Variants in CBLN2 observed in about 807,000 individuals in gnomAD.
CBLN2 encodes the protein cerebellin 2 precursor, also known as cerebellin-2.
CBLN2 carries 7 observed loss-of-function variants against 15.0 expected under a neutral mutation model. The observed-to-expected ratio is 0.47, with a 90% CI of 0.27 to 0.88. CBLN2 has a LOEUF of 0.88. Among genes scored for constraint, CBLN2 ranks in the 40% least tolerant of loss-of-function variants. The pLI is 0.14. For synonymous variants in CBLN2, 149 were observed against 135.2 expected (o/e 1.10, Z -0.71); for missense variants, 242 against 304.5 (o/e 0.79, Z 1.53).
At chr18:72,593,135 T>C (rs2069491180) in intron 1 of CBLN2, among the ~76,000 whole-genome samples, 1 of 152,178 alleles carries the variant, frequency 6.6e-6, no homozygotes, top group Admixed American at 6.5e-5. Flanking sequence ...GCAATATCTT[T>C]TTCTTTTTTG....
At chr18:72,618,375 T>G in intron 1 of CBLN2, 4 of 521,574 alleles carry the variant, frequency 7.7e-6, no homozygotes, top group Non-Finnish European at 7.1e-6. Flanking sequence ...CTGTGAGCAA[T>G]GTGGAATACT....
intron 1 of CBLN2, among the ~76,000 whole-genome samples, chr18:72,563,175 A>G (rs1207448256): frequency 1.3e-5 from 2 of 152,268 alleles, no homozygotes; most frequent in Non-Finnish European, 2.9e-5. Flanking sequence ...ACAATGGGGT[A>G]AAGCCAGATT....
intron 1 of CBLN2, among the ~76,000 whole-genome samples, chr18:72,596,537 C>A (rs1057214067): frequency 6.6e-6 from 1 of 152,108 alleles, no homozygotes; most frequent in Non-Finnish European, 1.5e-5. Context: ...CAGATGATTT[C>A]TTGCCCAGGA....
intron 1 of CBLN2, among the ~76,000 whole-genome samples, chr18:72,564,452 A>T (rs930907445): frequency 9.2e-5 from 14 of 152,182 alleles, no homozygotes; most frequent in African/African-American, 3.1e-4. Flanking sequence ...AGCAGAAGAA[A>T]GAATTTCTGA....
At chr18:72,608,344 C>T (rs777424553) in intron 1 of CBLN2, among the ~76,000 whole-genome samples, 53 of 152,098 alleles carry the variant, frequency 3.5e-4, no homozygotes, top group African/African-American at 8.0e-4. Context: ...TTTCCCTCCC[C>T]GCTCTGTTCT....
upstream of CBLN2, among the ~76,000 whole-genome samples, chr18:72,546,527 T>C (rs2069159879): frequency 6.6e-6 from 1 of 152,278 alleles, no homozygotes; most frequent in South Asian, 2.1e-4. Context: ...ATGTCTAAGA[T>C]TTAAAAGCAA....
intron 1 of CBLN2, among the ~76,000 whole-genome samples, chr18:72,607,908 C>G (rs937805073): frequency 6.6e-6 from 1 of 152,140 alleles, no homozygotes; most frequent in Non-Finnish European, 1.5e-5. Context: ...CAGCAGTAGT[C>G]TAATCAGTAC....
intron 1 of CBLN2, among the ~76,000 whole-genome samples, chr18:72,598,312 C>A (rs2069526037): frequency 6.6e-6 from 1 of 152,190 alleles, no homozygotes; most frequent in African/African-American, 2.4e-5. Flanking sequence ...GGGTTCCCTT[C>A]TGGCCCAGGT....
intron 1 of CBLN2, among the ~76,000 whole-genome samples, chr18:72,559,373 C>T (rs368370388): frequency 6.6e-6 from 1 of 152,208 alleles, no homozygotes; most frequent in African/African-American, 2.4e-5. Context: ...TGAGAAGTAT[C>T]GTGTTCCCTA....
chr18:72,594,222 G>A (rs1297910489), intron 1 of CBLN2, among the ~76,000 whole-genome samples: 1 of 152,056 alleles, frequency 6.6e-6, no homozygotes, highest in Admixed American at 6.6e-5. Flanking sequence ...CATAGCATGT[G>A]TATACCTATG....
At chr18:72,602,611 C>G (rs1264053080) in intron 1 of CBLN2, among the ~76,000 whole-genome samples, 3 of 152,132 alleles carry the variant, frequency 2.0e-5, no homozygotes, top group Non-Finnish European at 4.4e-5. Context: ...AGGTGTTGTG[C>G]AGATGTGGTT....
At chr18:72,587,495 T>C (rs2069451626) in intron 1 of CBLN2, among the ~76,000 whole-genome samples, 1 of 151,722 alleles carries the variant, frequency 6.6e-6, no homozygotes, top group Non-Finnish European at 1.5e-5. Context: ...TATTTAACTA[T>C]AAAGAAAGTA....
intron 1 of CBLN2, among the ~76,000 whole-genome samples, chr18:72,579,995 A>T (rs1469500730): frequency 6.6e-6 from 1 of 152,090 alleles, no homozygotes; most frequent in African/African-American, 2.4e-5. Context: ...ATCAATAATT[A>T]ACACTTCTGA....
chr18:72,612,038 T>G (rs1269288660), intron 1 of CBLN2, among the ~76,000 whole-genome samples: 3 of 152,144 alleles, frequency 2.0e-5, no homozygotes, highest in African/African-American at 7.2e-5. Context: ...TTTGTGAAAA[T>G]AGATGGCTGT....
At chr18:72,561,021 G>T (rs1040757760) in intron 1 of CBLN2, among the ~76,000 whole-genome samples, 31 of 151,882 alleles carry the variant, frequency 2.0e-4, no homozygotes, top group African/African-American at 7.2e-4. Context: ...AAAAAATAAA[G>T]AAAGAAAAAT....
At chr18:72,559,475 T>A (rs1598998263) in intron 1 of CBLN2, among the ~76,000 whole-genome samples, 1 of 152,228 alleles carries the variant, frequency 6.6e-6, no homozygotes, top group African/African-American at 2.4e-5. Flanking sequence ...GGTGAGTTTA[T>A]GGCTTGCTTT....
intron 1 of CBLN2, among the ~76,000 whole-genome samples, chr18:72,567,112 C>T (rs564683101): frequency 6.6e-6 from 1 of 152,086 alleles, no homozygotes; most frequent in Non-Finnish European, 1.5e-5. Flanking sequence ...CAGGAGGCAC[C>T]GCGCCTGGCC....
At chr18:72,627,111 T>TA (rs552013598) in intron 1 of CBLN2, among the ~76,000 whole-genome samples, 13 of 152,274 alleles carry the variant, frequency 8.5e-5, no homozygotes, top group Non-Finnish European at 1.8e-4. Context: ...CACAGAATAT[T>TA]AAAAAAATGA....
intron 1 of CBLN2, among the ~76,000 whole-genome samples, chr18:72,622,756 T>C (rs1023592546): frequency 2.0e-5 from 3 of 152,176 alleles, no homozygotes; most frequent in Non-Finnish European, 4.4e-5. Flanking sequence ...ATCAAAATGC[T>C]GTAGTGAAAA....
Sources: allele counts gnomAD v4.1 joint callset (sites outside exome capture counted in the v4.1 genomes callset), GRCh38; gene constraint gnomAD v4.1.1; transcripts MANE v1.5; gene names NCBI Gene and HGNC (gene_info 2026-07-23, HGNC 2026-07-21).